The following ALOXE3 variants were observed in gnomAD, a reference collection of about 807,000 sequenced individuals.
The protein encoded by ALOXE3 is arachidonate epidermal lipoxygenase 3.
ALOXE3 carries 78 observed loss-of-function variants against 87.5 expected under a neutral mutation model. That is an observed-to-expected ratio of 0.89 (90% confidence interval 0.74 to 1.08). The LOEUF (loss-of-function observed/expected upper bound fraction) is 1.08. ALOXE3 is among the 50% of genes least tolerant of loss of function. The pLI is 0.00. For missense variants in ALOXE3, 946 were observed against 912.4 expected (o/e 1.04, Z -0.47); for synonymous variants, 363 against 370.8 (o/e 0.98, Z 0.24).
At chr17:8,107,541 T>C (rs1272110164) in intron 13 of ALOXE3, among the ~76,000 whole-genome samples, 4 of 151,356 alleles carry the variant, frequency 2.6e-5, no homozygotes, top group Admixed American at 2.0e-4. Flanking sequence ...GGCTCACGTC[T>C]GTAATCCCAG....
intron 8 of ALOXE3, 140 bp from the exon 9 acceptor site, chr17:8,110,668 G>A: frequency 8.1e-7 from 1 of 1,236,170 alleles, no homozygotes; most frequent in Non-Finnish European, 1.1e-6. Context: ...TGAATTAATG[G>A]CCAAAGTGGG....
Position 8,111,580 on chromosome 17 carries a change from A to G in ALOXE3, c.785-49T>C, listed in dbSNP as rs898569774. On this transcript the variant is annotated intron_variant, in intron 7 of 15. Transcript: ENST00000448843. Reference sequence around the variant, plus strand: ...GTTGGTCTAGAAACTACTTCCCTAGATCCTAGTCCTGCCAAGTCCTTTGCT... The same window carrying G: ...GTTGGTCTAGAAACTACTTCCCTAGGTCCTAGTCCTGCCAAGTCCTTTGCT... The G allele has an allele frequency of 2.5e-6, 4 of 1,597,204 alleles. No homozygotes were observed. In the East Asian group the frequency reaches 6.7e-5, roughly 27 times the overall value.
At position 8,114,571 on chromosome 17, in the gene ALOXE3, A is replaced by G. The variant is rs201594222; in HGVS notation, c.593T>C (p.Ile198Thr). Residue 198 changes from isoleucine (I) to threonine (T), a missense_variant, in exon 6 of 16, where the codon ATT becomes ACT. Physicochemically the swap from Ile to Thr is moderately conservative, Grantham distance 89. Coordinates refer to ENST00000448843, the MANE Select transcript of ALOXE3 (RefSeq NM_021628.3). ...NRYLPGFPMK[I>T]DIPSLMYMEP... ...CATGTACATCAGGGATGGGATGTCA[A>G]TTTTCATGGGGAAGCCGGGCAGGTA... 21 of 1,613,780 alleles carry G rather than the reference A, an allele frequency of 1.3e-5. No individual in the cohort carries two copies. Among genetic ancestry groups the G allele is most frequent in the African/African-American group, 5.3e-5 (4 of 74,820 alleles).
Position 8,109,934 on chromosome 17 carries a change from G to C in ALOXE3, c.1374C>G (p.Pro458=). 6.4e-7 allele frequency: 1 copy of C among 1,550,888 alleles called. No homozygotes were observed. The highest frequency in any genetic ancestry group is 1.4e-5 in the African/African-American group (1 of 73,134). The change falls in exon 11 of 16, where the codon CCC becomes CCG. Residue 458 remains proline, a synonymous_variant. Transcript: ENST00000448843. ...NTIARATLLN[P]EGLVDQVTSI... is the part of the protein sequence containing the mutation. ...GCCGCACCTGGTCCACGAGGCCCTCGGGGTTGAGCAGCGTGGCCCTCGCGA... is the reference window on the plus strand; with the variant it reads ...GCCGCACCTGGTCCACGAGGCCCTCCGGGTTGAGCAGCGTGGCCCTCGCGA...
chr17:8,118,040 C>A lies in ALOXE3; in HGVS notation c.-50G>T. The A allele has an allele frequency of 6.3e-7, 1 of 1,598,704 alleles. No homozygotes were observed. Among genetic ancestry groups the A allele is most frequent in the Non-Finnish European group, 8.5e-7 (1 of 1,175,008 alleles). ...CGGCAACGCTGGCCGCAGCAGCAGC[C>A]GGCCTGGAGGAGAAGAGCGGCACGC... On this transcript the variant is annotated 5_prime_UTR_variant, in exon 2 of 16. Coordinates refer to ENST00000448843, the MANE Select transcript of ALOXE3 (RefSeq NM_021628.3).
At chr17:8,105,386 G>A (rs1979221782) in intron 13 of ALOXE3, among the ~76,000 whole-genome samples, 1 of 152,152 alleles carries the variant, frequency 6.6e-6, no homozygotes, top group South Asian at 2.1e-4. Context: ...TGAGAGGCCT[G>A]CCCTGGCCAC....
intron 13 of ALOXE3, among the ~76,000 whole-genome samples, chr17:8,108,004 A>G (rs1242195896): frequency 4.0e-5 from 2 of 49,884 alleles, no homozygotes; most frequent in African/African-American, 1.3e-4. Flanking sequence ...GGAAGGAAAG[A>G]AAGAAAGAAA....
intron 13 of ALOXE3, among the ~76,000 whole-genome samples, chr17:8,107,236 G>A (rs1035479798): frequency 2.0e-5 from 3 of 152,194 alleles, no homozygotes; most frequent in African/African-American, 7.2e-5. Flanking sequence ...AAACTCCAAG[G>A]CCGGGTGCGG....
Position 8,096,726 on chromosome 17 carries a change from C to G in ALOXE3, c.2037G>C (p.Leu679=), listed in dbSNP as rs200208061. 16 of 1,613,992 alleles carry G rather than the reference C, an allele frequency of 9.9e-6. No individual in the cohort carries two copies. The East Asian group carries it at 3.3e-4, about 34-fold the overall frequency. ...RRSIAAFQSR[L]AQISRDIQER... ...CCTGGATGTCCCTTGAGATCTGGGC[C>G]AGGCGGCTCTGGAAGGCGGCGATGC... The change falls in exon 16 of 16, where the codon CTG becomes CTC. Residue 679 remains leucine (L), a synonymous_variant. Coordinates refer to ENST00000448843, the MANE Select transcript of ALOXE3 (RefSeq NM_021628.3).
At chr17:8,100,528 T>C (rs117684764) in intron 15 of ALOXE3, among the ~76,000 whole-genome samples, 11,647 of 152,330 alleles carry the variant, frequency 0.076, 600 homozygotes, top group Middle Eastern at 0.16. Context: ...ATGTCTGTAG[T>C]TTTTTTATTT....
At position 8,103,400 on chromosome 17, in the gene ALOXE3, C is replaced by G. The variant is rs1489092454; in HGVS notation, c.1879G>C (p.Asp627His). Residue 627 changes from aspartate to histidine, a missense_variant, in exon 15 of 16, where the codon GAC (aspartate) becomes CAC (histidine). By Grantham distance (81) the Asp-to-His change is moderately conservative (BLOSUM62 -1). Transcript: ENST00000448843. Reference protein sequence around the residue: ...KGTTTLKTYLDTLPEVNISCN... With the variant: ...KGTTTLKTYLHTLPEVNISCN... ...CTGATGTTCACTTCAGGGAGGGTGTCTAGGTAAGTCTTCAGGGTGGTGGTC... is the reference window on the plus strand; with the variant it reads ...CTGATGTTCACTTCAGGGAGGGTGTGTAGGTAAGTCTTCAGGGTGGTGGTC... 1 of 1,614,092 alleles carries G rather than the reference C, an allele frequency of 6.2e-7. No individual in the cohort carries two copies. Among genetic ancestry groups the G allele is most frequent in the Admixed American group, 1.7e-5 (1 of 60,016 alleles).
chr17:8,110,209 G>A lies in ALOXE3; in HGVS notation c.1188C>T (p.Arg396=), dbSNP rs1979925156. Residue 396 remains arginine, a synonymous_variant, in exon 10 of 16, where the codon CGC becomes CGT. Coordinates refer to ENST00000448843, the MANE Select transcript of ALOXE3 (RefSeq NM_021628.3). The part of the protein sequence containing the change: ...WDWLLAKTWV[R]NSEFLVHENN... ...TTTCGTGCACCAGGAACTCAGAGTT[G>A]CGCACCCACGTCTTGGCCAGCAGCC... is the stretch of plus-strand genomic sequence containing the variant. The A allele has an allele frequency of 6.2e-7, 1 of 1,614,012 alleles. No homozygotes were observed. Among genetic ancestry groups the A allele is most frequent in the Admixed American group, 1.7e-5 (1 of 60,012 alleles).
At chr17:8,118,703 T>A, upstream of ALOXE3, 1 of 1,537,324 alleles carries the variant, frequency 6.5e-7, no homozygotes, top group Non-Finnish European at 8.7e-7. Flanking sequence ...GACCTCATTC[T>A]CTGCTCTGGA....
Position 8,096,587 on chromosome 17 carries a change from C to A in ALOXE3, c.*40G>T, listed in dbSNP as rs374690606. 1.0e-6 allele frequency: 1 copy of A among 964,508 alleles called. No individual in the cohort carries two copies. Among genetic ancestry groups the A allele is most frequent in the African/African-American group, 1.6e-5 (1 of 62,392 alleles). The allele number at this position is 964,508 out of a possible 1,614,324, so 59.7% of individuals were successfully genotyped here. The stretch of plus-strand genomic sequence containing the variant: ...ACCTGAGGAACTGGTCCTCCTCATG[C>A]TTGGACCTTTCTTTCTTCTTGGGTG... On this transcript the variant is annotated 3_prime_UTR_variant, in exon 16 of 16. Coordinates refer to ENST00000448843, the MANE Select transcript of ALOXE3 (RefSeq NM_021628.3).
rs112949520 is a variant in ALOXE3 at position 8,112,234 on chromosome 17, G to A, written c.681-38C>T. ...GAAAAGATGAGGGTGAGGTCTGGGG[G>A]CTAGAGTCTGCTGGGAATCACTGTG... On this transcript the variant is annotated intron_variant, in intron 6 of 15. Coordinates refer to ENST00000448843, the MANE Select transcript of ALOXE3 (RefSeq NM_021628.3). 15,427 of 1,493,500 alleles carry A rather than the reference G, an allele frequency of 0.01. 1,214 individuals are homozygous for A. In the Admixed American group the frequency reaches 0.15, roughly 15 times the overall value. 92.5% of individuals were successfully genotyped at this position (1,493,500 alleles called of 1,614,324 possible). A position where few individuals can be genotyped will look rare whatever the true frequency, so the allele number is the denominator to read the frequency against.
intron 13 of ALOXE3, among the ~76,000 whole-genome samples, chr17:8,108,060 A>AAAGG (rs1979662182): frequency 1.3e-5 from 2 of 148,970 alleles, no homozygotes; most frequent in East Asian, 2.0e-4. Context: ...AGAAAGAAAG[A>AAAGG]AAGAAAGGAA....
Position 8,112,174 on chromosome 17 carries a change from C to G in ALOXE3, c.703G>C (p.Gly235Arg), listed in dbSNP as rs763088742. ...IPASLGMKLR[G>R]LLDRKGSWKK... The stretch of plus-strand genomic sequence containing the variant: ...CAGGAGCCCTTGCGATCCAACAGCC[C>G]TCGAAGCTTCATTCCCAAGGACCTG... Residue 235 changes from glycine (G) to arginine (R), a missense_variant, in exon 7 of 16, where the codon GGG becomes CGG. Physicochemically the swap from Gly to Arg is moderately radical, Grantham distance 125. Transcript: ENST00000448843. 2.5e-6 allele frequency: 4 copies of G among 1,614,152 alleles called. No homozygotes were observed. The East Asian group carries it at 8.9e-5, about 36-fold the overall frequency.
At chr17:8,098,551 TC>T (rs1978718664) in intron 15 of ALOXE3, among the ~76,000 whole-genome samples, 1 of 152,172 alleles carries the variant, frequency 6.6e-6, no homozygotes, top group African/African-American at 2.4e-5. Flanking sequence ...GAAATATACT[TC>T]TAATCAAAAC....
chr17:8,111,574 C>G, intron 7 of ALOXE3, 43 bp from the exon 8 acceptor site: 3 of 1,603,160 alleles, frequency 1.9e-6, no homozygotes, highest in Non-Finnish European at 2.6e-6. Flanking sequence ...GAAACTACTT[C>G]CCTAGATCCT....
Sources: allele counts gnomAD v4.1 joint callset (sites outside exome capture counted in the v4.1 genomes callset), GRCh38; gene constraint gnomAD v4.1.1; transcripts MANE v1.5; gene names NCBI Gene and HGNC (gene_info 2026-07-23, HGNC 2026-07-21).